The following SOX5 variants were observed in gnomAD, a reference collection of about 807,000 sequenced individuals.
SOX5 encodes the protein transcription factor SOX-5.
In SOX5, 9 loss-of-function variants were observed where a neutral mutation model predicts 92.0. The observed-to-expected ratio is 0.10, with a 90% CI of 0.06 to 0.17. SOX5 has a LOEUF of 0.17. Among genes scored for constraint, SOX5 ranks in the 10% least tolerant of loss-of-function variants. The probability of loss-of-function intolerance (pLI) is 1.00; values close to 1 mark genes in which losing one functional copy is unlikely to be tolerated. For missense variants in SOX5, 642 were observed against 944.5 expected (o/e 0.68, Z 4.20); for synonymous variants, 344 against 336.3 (o/e 1.02, Z -0.25).
chr12:23,694,684 G>GA (rs1320535593), intron 6 of SOX5, among the ~76,000 whole-genome samples: 1 of 152,078 alleles, frequency 6.6e-6, no homozygotes, highest in Non-Finnish European at 1.5e-5. Flanking sequence ...TACTCATTTT[G>GA]AAGTAATTCC....
chr12:24,056,974 C>CAAAAAAAAAA (rs60085412), intron 4 of SOX5, among the ~76,000 whole-genome samples: 1,236 of 36,646 alleles, frequency 0.034, 73 homozygotes, highest in African/African-American at 0.037. Context: ...GACTCCGTCT[C>CAAAAAAAAAA]AAAAAAAAAA....
At chr12:24,479,227 C>T (rs1218454563) in intron 1 of SOX5, among the ~76,000 whole-genome samples, 3 of 152,100 alleles carry the variant, frequency 2.0e-5, no homozygotes, top group South Asian at 4.1e-4. Context: ...CTGGTAACTC[C>T]GACCACTCCT....
chr12:24,450,573 C>A (rs1942146433), intron 1 of SOX5, among the ~76,000 whole-genome samples: 1 of 151,978 alleles, frequency 6.6e-6, no homozygotes, highest in African/African-American at 2.4e-5. Flanking sequence ...CAACTCACTG[C>A]AACTTCTGCC....
At position 24,379,946 on chromosome 12, in the gene SOX5, G is replaced by A. The variant is rs992443768; in HGVS notation, c.-250-11307C>T. Among the ~76,000 whole-genome samples, 4 of 149,392 alleles carry A rather than the reference G, an allele frequency of 2.7e-5. No individual in the cohort carries two copies. The South Asian group carries it at 8.5e-4, about 32-fold the overall frequency. On this transcript the variant is annotated intron_variant, in intron 1 of 4. Transcript: ENST00000446891. ...AAATACCACCACACTATTTATGGGA[G>A]GGAGGGAAAACCCTCTGGGCTTGTA...
chr12:23,806,595 A>G (rs1044534198), intron 3 of SOX5, among the ~76,000 whole-genome samples: 8 of 149,356 alleles, frequency 5.4e-5, no homozygotes, highest in South Asian at 2.1e-4. Context: ...AAAAAAAAAA[A>G]AAAGAAAAAA....
At chr12:24,506,916 A>G (rs111540993) in intron 1 of SOX5, among the ~76,000 whole-genome samples, 9,002 of 147,732 alleles carry the variant, frequency 0.061, 352 homozygotes, top group Admixed American at 0.11. Flanking sequence ...TCAGCCTCCC[A>G]AGTAGCTGGG....
chr12:24,226,190 A>C (rs1270273505), intron 3 of SOX5, among the ~76,000 whole-genome samples: 1 of 152,174 alleles, frequency 6.6e-6, no homozygotes, highest in Non-Finnish European at 1.5e-5. Flanking sequence ...GTTCAAAAAA[A>C]AACTATGTAA....
chr12:23,948,445 T>C (rs936975148), intron 1 of SOX5, among the ~76,000 whole-genome samples: 2 of 152,090 alleles, frequency 1.3e-5, no homozygotes, highest in African/African-American at 4.8e-5. Context: ...ATTCAGTCGT[T>C]TGAGCGATGA....
At chr12:24,491,987 G>A (rs992920244) in intron 1 of SOX5, among the ~76,000 whole-genome samples, 4 of 151,990 alleles carry the variant, frequency 2.6e-5, no homozygotes, top group African/African-American at 9.7e-5. Context: ...TAATTGCTTT[G>A]AGACAATAAA....
chr12:23,595,397 C>G (rs546239533), intron 9 of SOX5, among the ~76,000 whole-genome samples: 1 of 151,940 alleles, frequency 6.6e-6, no homozygotes, highest in African/African-American at 2.4e-5. Context: ...CCGAGGCCGG[C>G]GGATCATGAG....
chr12:24,474,648 G>A (rs1419126247), intron 1 of SOX5, among the ~76,000 whole-genome samples: 2 of 151,898 alleles, frequency 1.3e-5, no homozygotes, highest in Non-Finnish European at 2.9e-5. Context: ...CGATTCTCCT[G>A]CCTCAGTCTC....
chr12:23,825,179 C>G (rs570091861), intron 3 of SOX5, among the ~76,000 whole-genome samples: 1 of 152,330 alleles, frequency 6.6e-6, no homozygotes, highest in Non-Finnish European at 1.5e-5. Flanking sequence ...GCCCAAACGG[C>G]TGTCCAGCTT....
intron 4 of SOX5, among the ~76,000 whole-genome samples, chr12:24,184,100 T>C (rs1955788303): frequency 6.6e-6 from 1 of 152,184 alleles, no homozygotes; most frequent in South Asian, 2.1e-4. Flanking sequence ...TCAGTAGAAC[T>C]TTTAACAATA....
intron 1 of SOX5, among the ~76,000 whole-genome samples, chr12:24,439,901 T>TAAAC (rs1957142122): frequency 6.6e-6 from 1 of 151,930 alleles, no homozygotes; most frequent in Non-Finnish European, 1.5e-5. Flanking sequence ...TCTCAATAAA[T>TAAAC]AAATAAATAA....
chr12:24,502,896 A>G (rs1948361469), intron 1 of SOX5, among the ~76,000 whole-genome samples: 1 of 152,214 alleles, frequency 6.6e-6, no homozygotes, highest in African/African-American at 2.4e-5. Flanking sequence ...AATCATGGGA[A>G]ATCAAACCCA....
At chr12:23,570,210 T>C (rs1050328627) in intron 10 of SOX5, among the ~76,000 whole-genome samples, 30 of 152,218 alleles carry the variant, frequency 2.0e-4, no homozygotes, top group African/African-American at 6.8e-4. Flanking sequence ...TTTTTTTCTA[T>C]TTTTGTGGTC....
At chr12:24,512,076 T>G (rs956073007) in intron 1 of SOX5, among the ~76,000 whole-genome samples, 3 of 152,142 alleles carry the variant, frequency 2.0e-5, no homozygotes, top group Admixed American at 2.0e-4. Flanking sequence ...AAATCTATAT[T>G]CCAATCACGG....
At chr12:23,903,072 A>G (rs1039423678) in intron 1 of SOX5, among the ~76,000 whole-genome samples, 1 of 152,158 alleles carries the variant, frequency 6.6e-6, no homozygotes, top group Non-Finnish European at 1.5e-5. Context: ...TCATCCATTT[A>G]TCCACCTATT....
At chr12:24,440,727 C>T (rs61910418) in intron 1 of SOX5, among the ~76,000 whole-genome samples, 35,274 of 151,668 alleles carry the variant, frequency 0.23, 4,913 homozygotes, top group East Asian at 0.67. Flanking sequence ...CTAAAGTCTC[C>T]GTCCTCCTCC....
Sources: allele counts gnomAD v4.1 joint callset (sites outside exome capture counted in the v4.1 genomes callset), GRCh38; gene constraint gnomAD v4.1.1; transcripts MANE v1.5; gene names NCBI Gene and HGNC (gene_info 2026-07-23, HGNC 2026-07-21).